The following DLC1 variants were observed in gnomAD, a reference collection of about 807,000 sequenced individuals.
DLC1 encodes rho GTPase-activating protein 7.
Under a neutral mutation model 140.3 loss-of-function variants are expected in DLC1, and 54 were observed. That is an observed-to-expected ratio of 0.38 (90% CI 0.31 to 0.48). The LOEUF (loss-of-function observed/expected upper bound fraction) is 0.48. Ranked by LOEUF, DLC1 falls within the 20% of genes least tolerant of loss-of-function variation. The probability of loss-of-function intolerance (pLI) is 0.96; values close to 1 mark genes in which losing one functional copy is unlikely to be tolerated. For missense variants in DLC1, 2,536 were observed against 1,907.0 expected (o/e 1.33, Z -6.14); for synonymous variants, 986 against 728.1 (o/e 1.35, Z -5.70).
intron 5 of DLC1, among the ~76,000 whole-genome samples, chr8:13,248,928 T>C (rs1485179596): frequency 1.3e-5 from 2 of 152,134 alleles, no homozygotes; most frequent in Non-Finnish European, 2.9e-5. Context: ...ATAGAAATCA[T>C]TACCAATTGG....
intron 2 of DLC1, among the ~76,000 whole-genome samples, chr8:13,405,510 A>C (rs1185953768): frequency 6.6e-6 from 1 of 152,232 alleles, no homozygotes; most frequent in East Asian, 1.9e-4. Flanking sequence ...ACAGATGAGA[A>C]AACTGAACTC....
At chr8:13,231,900 T>C (rs1045199782) in intron 5 of DLC1, among the ~76,000 whole-genome samples, 1 of 152,226 alleles carries the variant, frequency 6.6e-6, no homozygotes, top group Non-Finnish European at 1.5e-5. Flanking sequence ...AGTATTTTTA[T>C]AGGCCCCTGT....
rs186015655 is a variant in DLC1 at position 13,479,543 on chromosome 8, G to T, written c.1023+19506C>A. Reference sequence around the variant, plus strand: ...AAAGTTATGGCTTCTCAGATTGAAAGATTTTAGTTAACATTAGGTTGCATC... The same window carrying T: ...AAAGTTATGGCTTCTCAGATTGAAATATTTTAGTTAACATTAGGTTGCATC... On this transcript the variant is annotated intron_variant, in intron 2 of 17. Transcript: ENST00000276297. 1.2e-4 allele frequency among the ~76,000 whole-genome samples: 19 copies of T among 152,236 alleles called. No homozygotes were observed. In the East Asian group the frequency reaches 2.7e-3, roughly 22 times the overall value.
At chr8:13,301,831 A>G (rs1008701948) in intron 5 of DLC1, among the ~76,000 whole-genome samples, 1 of 152,208 alleles carries the variant, frequency 6.6e-6, no homozygotes, top group African/African-American at 2.4e-5. Flanking sequence ...TGTGAACTGC[A>G]CATGTGAGGG....
intron 1 of DLC1, among the ~76,000 whole-genome samples, chr8:13,539,150 CTTTT>C (rs1036974090): frequency 1.3e-5 from 2 of 151,702 alleles, no homozygotes; most frequent in Non-Finnish European, 2.9e-5. Flanking sequence ...TTTAATTCTG[CTTTT>C]TTTCAGTAGA....
intron 2 of DLC1, among the ~76,000 whole-genome samples, chr8:13,492,221 A>T (rs944224988): frequency 1.3e-5 from 2 of 151,434 alleles, no homozygotes; most frequent in Non-Finnish European, 2.9e-5. Context: ...GATACAGCCC[A>T]TAAGGCTGGC....
chr8:13,589,847 C>G (rs1264837259), intron 1 of DLC1, among the ~76,000 whole-genome samples: 1 of 151,460 alleles, frequency 6.6e-6, no homozygotes, highest in African/African-American at 2.4e-5. Context: ...GAAATACATA[C>G]TCATCTAAAT....
intron 4 of DLC1, among the ~76,000 whole-genome samples, chr8:13,363,432 T>C (rs1364872335): frequency 6.6e-6 from 1 of 151,758 alleles, no homozygotes; most frequent in East Asian, 1.9e-4. Context: ...GCCTGTTTAA[T>C]TGATTAACAA....
intron 6 of DLC1, among the ~76,000 whole-genome samples, chr8:13,112,593 A>G (rs1820207190): frequency 1.3e-5 from 2 of 152,260 alleles, no homozygotes; most frequent in South Asian, 4.1e-4. Flanking sequence ...TCATGGAACC[A>G]TTATAATGGA....
intron 2 of DLC1, among the ~76,000 whole-genome samples, chr8:13,434,870 G>A (rs1839045496): frequency 6.6e-6 from 1 of 152,090 alleles, no homozygotes; most frequent in Non-Finnish European, 1.5e-5. Flanking sequence ...TGTAGAGATG[G>A]TGTTTCGTCG....
At chr8:13,528,227 T>A (rs1055001873) in intron 1 of DLC1, among the ~76,000 whole-genome samples, 6 of 152,124 alleles carry the variant, frequency 3.9e-5, no homozygotes, top group African/African-American at 1.4e-4. Context: ...ATTTCTACAA[T>A]ATTACTTCTA....
chr8:13,404,777 C>T (rs974327943), intron 2 of DLC1, among the ~76,000 whole-genome samples: 4 of 151,962 alleles, frequency 2.6e-5, no homozygotes, highest in African/African-American at 4.8e-5. Flanking sequence ...GTGGGTGAAT[C>T]ACTTGAGGTG....
intron 1 of DLC1, among the ~76,000 whole-genome samples, chr8:13,581,330 A>T (rs1343672564): frequency 6.6e-6 from 1 of 152,252 alleles, no homozygotes; most frequent in Non-Finnish European, 1.5e-5. Context: ...GCTTCTAAAT[A>T]GGTACCTTAA....
chr8:13,123,940 G>A (rs1038191798), intron 5 of DLC1, among the ~76,000 whole-genome samples: 2 of 152,224 alleles, frequency 1.3e-5, no homozygotes, highest in Admixed American at 1.3e-4. Context: ...ACATATACAT[G>A]TATGTACATG....
At chr8:13,251,243 C>T (rs1172844352) in intron 5 of DLC1, among the ~76,000 whole-genome samples, 1 of 152,160 alleles carries the variant, frequency 6.6e-6, no homozygotes, top group African/African-American at 2.4e-5. Context: ...TTCCACTTAC[C>T]CCAATTATCT....
At chr8:13,478,242 GGAGT>G (rs143770578) in intron 2 of DLC1, among the ~76,000 whole-genome samples, 14,656 of 152,020 alleles carry the variant, frequency 0.096, 845 homozygotes, top group East Asian at 0.22. Context: ...GATGAAAGCA[GGAGT>G]GAGTGAGAGA....
chr8:13,459,619 C>A (rs1273309921), intron 2 of DLC1, among the ~76,000 whole-genome samples: 2 of 152,090 alleles, frequency 1.3e-5, no homozygotes, highest in Non-Finnish European at 2.9e-5. Context: ...GGCCCCAGGA[C>A]CCCCAGTTCT....
chr8:13,175,303 CTT>C lies in DLC1; in HGVS notation c.1349-59648_1349-59647del, dbSNP rs34107011. ...AAGTTGGGTAATGTGATGCCTCCAGCTTTTTTTTTTTTTTTGCTTAGGATTAT... is the reference window on the plus strand; with the variant it reads ...AAGTTGGGTAATGTGATGCCTCCAGCTTTTTTTTTTTTTGCTTAGGATTAT... On this transcript the variant is annotated intron_variant, in intron 5 of 17. Transcript: ENST00000276297. Among the ~76,000 whole-genome samples the C allele has an allele frequency of 6.4e-3, 846 of 131,680 alleles. 2 individuals carry two copies. The highest frequency in any genetic ancestry group is 7.8e-3 in the Non-Finnish European group (482 of 61,912). 86.4% of individuals were successfully genotyped at this position (131,680 alleles called of 152,430 possible).
chr8:13,301,325 G>A (rs1033093702), intron 5 of DLC1, among the ~76,000 whole-genome samples: 1 of 152,116 alleles, frequency 6.6e-6, no homozygotes, highest in Non-Finnish European at 1.5e-5. Flanking sequence ...TGGAGAAAGT[G>A]ATCTTTCTTC....
Sources: gnomAD v4.1 joint callset for allele counts (sites outside exome capture counted in the v4.1 genomes callset) on GRCh38, gnomAD v4.1.1 for gene constraint, MANE v1.5 for transcripts, NCBI Gene and HGNC (gene_info 2026-07-23, HGNC 2026-07-21) for gene names.